Variants in PHKA1 observed in about 807,000 individuals in gnomAD.
PHKA1 encodes phosphorylase b kinase regulatory subunit alpha, skeletal muscle isoform.
PHKA1 carries 60 observed loss-of-function variants against 110.2 expected under a neutral mutation model. The ratio of observed to expected loss-of-function variants is 0.54; its 90% CI spans 0.44 to 0.68. The LOEUF is 0.68. PHKA1 is among the 30% of genes least tolerant of loss of function. PHKA1 has a pLI of 0.00. For synonymous variants in PHKA1, 316 were observed against 333.6 expected (o/e 0.95, Z 0.58); for missense variants, 801 against 942.5 (o/e 0.85, Z 1.97).
In PHKA1 at chrX:72,639,544, G is replaced by A. The variant is rs781935139; in HGVS notation, c.1460-3158C>T. On this transcript the variant is annotated intron_variant, in intron 14 of 31. Transcript: ENST00000373542. Reference sequence around the variant, plus strand: ...AACAAGAGCAAGACTCCATCTTGGGGGGAGAAAAAGAAAAAGAAAAGGGTA... The same window carrying A: ...AACAAGAGCAAGACTCCATCTTGGGAGGAGAAAAAGAAAAAGAAAAGGGTA... Among the ~76,000 whole-genome samples, 6 of 110,884 alleles carry A rather than the reference G, an allele frequency of 5.4e-5. No homozygotes were observed. In the South Asian group the frequency reaches 1.6e-3, roughly 29 times the overall value.
intron 19 of PHKA1, 119 bp downstream of exon 19, chrX:72,620,606 C>A (rs888363362): frequency 3.7e-6 from 2 of 536,614 alleles, no homozygotes; most frequent in Non-Finnish European, 6.3e-6. Flanking sequence ...GTCTGAGATG[C>A]GGGGGATAAA....
chrX:72,626,393 A>C (rs782715572), intron 17 of PHKA1, among the ~76,000 whole-genome samples: 1 of 111,367 alleles, frequency 9.0e-6, no homozygotes, highest in African/African-American at 3.3e-5. Context: ...TAGGCATTAA[A>C]AAAACAAAAC....
intron 6 of PHKA1, among the ~76,000 whole-genome samples, chrX:72,674,610 G>A (rs2053753371): frequency 9.0e-6 from 1 of 111,619 alleles, no homozygotes; most frequent in African/African-American, 3.3e-5. Context: ...GTCTTCTTTT[G>A]AGAAGTGTCT....
chrX:72,692,073 T>C (rs1260505655), intron 4 of PHKA1, among the ~76,000 whole-genome samples: 3 of 112,137 alleles, frequency 2.7e-5, no homozygotes, highest in African/African-American at 9.7e-5. Flanking sequence ...TGATAAGGTG[T>C]TGAATTTGTC....
chrX:72,675,217 T>G (rs782820192), intron 6 of PHKA1, among the ~76,000 whole-genome samples: 332 of 106,248 alleles, frequency 3.1e-3, no homozygotes, highest in African/African-American at 8.9e-3. Flanking sequence ...AATAAATAAA[T>G]AAATAAATAA....
chrX:72,644,350 C>T lies in PHKA1; in HGVS notation c.1459+12G>A. 1 of 1,208,244 alleles carries T rather than the reference C, an allele frequency of 8.3e-7. No individual in the cohort carries two copies. The highest frequency in any genetic ancestry group is 3.0e-5 in the East Asian group (1 of 33,785). ...AATGCTTTGATTCTAGCAGGCTAGC[C>T]AATCTCCTTACCTAGGCTGGAATAA... On this transcript the variant is annotated intron_variant, in intron 14 of 31. Transcript: ENST00000373542.
intron 28 of PHKA1, 126 bp downstream of exon 28, chrX:72,601,865 T>C (rs868928528): frequency 3.7e-6 from 2 of 539,460 alleles, no homozygotes; most frequent in Non-Finnish European, 6.5e-6. Context: ...ATGACTGTTA[T>C]AAAGGCGATT....
At chrX:72,604,152 CA>C (rs879947518) in intron 25 of PHKA1, among the ~76,000 whole-genome samples, 22 of 96,952 alleles carry the variant, frequency 2.3e-4, no homozygotes, top group South Asian at 4.8e-4. Flanking sequence ...CACTCTCTCG[CA>C]AAAAAAAAAA....
chrX:72,703,387 T>C (rs958947283), intron 3 of PHKA1, among the ~76,000 whole-genome samples: 3 of 112,151 alleles, frequency 2.7e-5, no homozygotes, highest in African/African-American at 9.7e-5. Flanking sequence ...AGGTAAAAAG[T>C]TCAAATATTG....
chrX:72,628,551 C>CATATAT (rs72101398), intron 16 of PHKA1, among the ~76,000 whole-genome samples: 29 of 97,858 alleles, frequency 3.0e-4, no homozygotes, highest in Admixed American at 6.8e-4. Context: ...AAAATATTCC[C>CATATAT]ATATATATAT....
At chrX:72,608,957 G>A (rs1315427859) in intron 23 of PHKA1, among the ~76,000 whole-genome samples, 1 of 112,192 alleles carries the variant, frequency 8.9e-6, no homozygotes, top group Non-Finnish European at 1.9e-5. Flanking sequence ...CAGACTGTTT[G>A]CAAGATTTAA....
intron 4 of PHKA1, 87 bp downstream of exon 4, chrX:72,695,621 C>T: frequency 1.1e-6 from 1 of 944,511 alleles, no homozygotes; most frequent in Admixed American, 2.3e-5. Context: ...CTACCCCAGC[C>T]TTCCCGGTTC....
intron 18 of PHKA1, chrX:72,622,087 T>C (rs1450849676): frequency 2.3e-5 from 17 of 740,614 alleles, no homozygotes; most frequent in Non-Finnish European, 2.5e-5. Flanking sequence ...TTATTACTGA[T>C]AACAGTAAAT....
intron 21 of PHKA1, among the ~76,000 whole-genome samples, chrX:72,617,668 A>G (rs1480554813): frequency 8.9e-6 from 1 of 111,767 alleles, no homozygotes; most frequent in African/African-American, 3.2e-5. Flanking sequence ...CCAAGATTGA[A>G]GTATGAAGAA....
chrX:72,647,713 G>A (rs2053378190), intron 13 of PHKA1, among the ~76,000 whole-genome samples: 1 of 111,014 alleles, frequency 9.0e-6, no homozygotes, highest in Non-Finnish European at 1.9e-5. Context: ...AAGTAAGAAG[G>A]TGGAAAGAGG....
intron 5 of PHKA1, among the ~76,000 whole-genome samples, chrX:72,677,404 A>C (rs782399025): frequency 5.2e-4 from 58 of 111,425 alleles, no homozygotes; most frequent in Non-Finnish European, 8.9e-4. Flanking sequence ...ATACTTTAGG[A>C]ATATGCAAAT....
chrX:72,640,282 T>C (rs2053281166), intron 14 of PHKA1, among the ~76,000 whole-genome samples: 1 of 111,691 alleles, frequency 9.0e-6, no homozygotes, highest in Non-Finnish European at 1.9e-5. Context: ...AGTGTCAGTA[T>C]CCCTAATATA....
At position 72,603,156 on chromosome X, in the gene PHKA1, G is replaced by A. The variant is rs1556245992; in HGVS notation, c.2880C>T (p.His960=). The A allele has an allele frequency of 8.3e-7, 1 of 1,207,499 alleles. No homozygotes were observed. The highest frequency in any genetic ancestry group is 1.8e-5 in the South Asian group (1 of 56,792). ...SPSAMKNLLH[H]ILSGKEFGVE... is the part of the protein sequence containing the mutation. Reference sequence around the variant, plus strand: ...CTCCAAACTCCTTGCCGCTGAGAATGTGATGCAGGAGATTCTTCATGGCCG... The same window carrying A: ...CTCCAAACTCCTTGCCGCTGAGAATATGATGCAGGAGATTCTTCATGGCCG... Residue 960 remains histidine (H), a synonymous_variant, in exon 26 of 32, where the codon CAC becomes CAT. Coordinates refer to ENST00000373542, the MANE Select transcript of PHKA1 (RefSeq NM_002637.4).
chrX:72,586,513 C>T (rs1196891362), intron 29 of PHKA1, among the ~76,000 whole-genome samples: 7 of 111,266 alleles, frequency 6.3e-5, no homozygotes, highest in African/African-American at 6.6e-5. Flanking sequence ...AAACCCAGAG[C>T]GCCTCTTCTC....
Sources: allele counts gnomAD v4.1 joint callset (sites outside exome capture counted in the v4.1 genomes callset), GRCh38; gene constraint gnomAD v4.1.1; transcripts MANE v1.5; gene names NCBI Gene and HGNC (gene_info 2026-07-23, HGNC 2026-07-21).